The following SH3PXD2B variants were observed in gnomAD, a reference collection of about 807,000 sequenced individuals.
SH3PXD2B encodes SH3 and PX domain-containing protein 2B.
In SH3PXD2B, 37 loss-of-function variants were observed where a neutral mutation model predicts 73.1. That is an observed-to-expected ratio of 0.51 (90% CI 0.39 to 0.67). The LOEUF is 0.67. Ranked by LOEUF, SH3PXD2B falls within the 30% of genes least tolerant of loss-of-function variation. SH3PXD2B has a pLI of 0.00. For synonymous variants in SH3PXD2B, 457 were observed against 480.5 expected, an observed-to-expected ratio of 0.95 and a Z score of 0.64; for missense variants, 1,053 against 1,197.8, an observed-to-expected ratio of 0.88 and a Z score of 1.78.
intron 6 of SH3PXD2B, among the ~76,000 whole-genome samples, chr5:172,364,320 G>T (rs148829128): frequency 8.5e-4 from 129 of 152,128 alleles, no homozygotes; most frequent in African/African-American, 2.9e-3. Flanking sequence ...CTTTCCTATT[G>T]TTCCTATAAA....
intron 7 of SH3PXD2B, among the ~76,000 whole-genome samples, 154 bp from the exon 8 acceptor site, chr5:172,359,031 T>C (rs1313941516): frequency 1.3e-5 from 2 of 152,192 alleles, no homozygotes; most frequent in Admixed American, 6.5e-5. Flanking sequence ...CAATGTTACC[T>C]GCTAACTGCT....
chr5:172,374,384 T>C (rs1757776973), intron 5 of SH3PXD2B, among the ~76,000 whole-genome samples: 1 of 152,072 alleles, frequency 6.6e-6, no homozygotes, highest in African/African-American at 2.4e-5. Flanking sequence ...TCAGAGTTTA[T>C]AAATGCAACT....
chr5:172,436,732 G>A (rs1393791213), intron 1 of SH3PXD2B, among the ~76,000 whole-genome samples: 1 of 152,224 alleles, frequency 6.6e-6, no homozygotes, highest in Non-Finnish European at 1.5e-5. Context: ...TAGGGCTTCC[G>A]CTCACAGGCT....
At chr5:172,438,657 C>T (rs1306908453) in intron 1 of SH3PXD2B, among the ~76,000 whole-genome samples, 1 of 152,148 alleles carries the variant, frequency 6.6e-6, no homozygotes, top group Non-Finnish European at 1.5e-5. Context: ...GTCCACGTTC[C>T]ACCCCAGAGT....
rs1756683736 is a variant in SH3PXD2B, at chr5:172,336,099, G to GA, written c.*2269dup. 1.0e-6 allele frequency: 1 copy of GA among 988,388 alleles called. No homozygotes were observed. Among genetic ancestry groups the GA allele is most frequent in the Admixed American group, 6.1e-5 (1 of 16,324 alleles). The allele number at this position is 988,388 out of a possible 1,614,324, so 61.2% of individuals were successfully genotyped here. ...AGGACTCAAAGCTCTTCCAGCCAGG[G>GA]ATGGAGCCACACACATCCCAGTCTA... is the stretch of plus-strand genomic sequence containing the variant. On this transcript the variant is annotated 3_prime_UTR_variant, in exon 13 of 13. Transcript: ENST00000311601.
chr5:172,388,968 C>T (rs186644650), intron 4 of SH3PXD2B, among the ~76,000 whole-genome samples: 29 of 152,308 alleles, frequency 1.9e-4, no homozygotes, highest in Admixed American at 5.9e-4. Flanking sequence ...CCTTTGTCAT[C>T]AGGTACTTAG....
chr5:172,441,631 C>G (rs1015121797), intron 1 of SH3PXD2B, among the ~76,000 whole-genome samples: 3 of 152,102 alleles, frequency 2.0e-5, no homozygotes, highest in Non-Finnish European at 1.5e-5. Context: ...AGCTGGGTAC[C>G]CTGGTGAGGT....
At chr5:172,454,229 C>T in intron 1 of SH3PXD2B, 49 bp downstream of exon 1, 1 of 1,546,560 alleles carries the variant, frequency 6.5e-7, no homozygotes, top group Non-Finnish European at 8.8e-7. Context: ...CTCGGTCGCC[C>T]CCGACGGGGC....
chr5:172,439,692 GCACACACACACACACACA>G (rs367799974), intron 1 of SH3PXD2B, among the ~76,000 whole-genome samples: 8 of 138,542 alleles, frequency 5.8e-5, no homozygotes, highest in Admixed American at 7.0e-5. Flanking sequence ...GCACGCGCGC[GCACACACACACACACACA>G]CACACACACA....
At position 172,338,841 on chromosome 5, in the gene SH3PXD2B, G is replaced by A. The variant is rs749390533; in HGVS notation, c.2264C>T (p.Pro755Leu). 5.0e-6 allele frequency: 8 copies of A among 1,613,918 alleles called. No individual in the cohort carries two copies. In the Admixed American group the frequency reaches 1.0e-4, roughly 20 times the overall value. The change falls in exon 13 of 13, where the codon CCT becomes CTT. Residue 755 changes from proline to leucine, a missense_variant. Physicochemically the swap from Pro to Leu is moderately conservative, Grantham distance 98. Around this residue, in one of 2 missense-constraint regions of SH3PXD2B, gnomAD observed 587 missense variants for 590.7 expected, o/e 0.99. Transcript: ENST00000311601. This position sits in a 1 kb window ranked among gnomAD's most constrained non-coding sequence, Gnocchi z 5.1. ...AGGTGGTCTGCGGGGTGGGACCACA[G>A]GTCTCTGCTGGGGAGCCTCTTGGAG... ...VPLQEAPQQRPVVPPRRPPPP... is the reference protein window; with the variant it reads ...VPLQEAPQQRLVVPPRRPPPP...
At chr5:172,343,993 C>A (rs1378702784) in intron 12 of SH3PXD2B, among the ~76,000 whole-genome samples, 1 of 151,558 alleles carries the variant, frequency 6.6e-6, no homozygotes, top group African/African-American at 2.4e-5. Flanking sequence ...AACAAACTAA[C>A]CAACCAACCC....
chr5:172,343,428 CAT>C lies in SH3PXD2B; in HGVS notation c.1188+2706_1188+2707del, dbSNP rs375234462. 2.2e-4 allele frequency among the ~76,000 whole-genome samples: 34 copies of C among 152,342 alleles called. No individual in the cohort carries two copies. In the East Asian group the frequency reaches 6.6e-3, roughly 29 times the overall value. ...AAAGTATTGTGGTAGAAGCTCTGAA[CAT>C]GTGTGTTCTGAACCATGAGGAATGG... is the stretch of plus-strand genomic sequence containing the variant. On this transcript the variant is annotated intron_variant, in intron 12 of 12. Coordinates refer to ENST00000311601, the MANE Select transcript of SH3PXD2B (RefSeq NM_001017995.3).
intron 4 of SH3PXD2B, among the ~76,000 whole-genome samples, chr5:172,382,596 C>A (rs111815610): frequency 6.6e-6 from 1 of 151,646 alleles, no homozygotes; most frequent in Admixed American, 6.6e-5. Flanking sequence ...ATGATATACA[C>A]GCATATATTA....
downstream of SH3PXD2B, among the ~76,000 whole-genome samples, chr5:172,330,906 A>T (rs535621556): frequency 6.6e-6 from 1 of 152,312 alleles, no homozygotes; most frequent in South Asian, 2.1e-4. Flanking sequence ...AGTAAAAGTT[A>T]GATCCTGGCT....
chr5:172,347,243 C>G (rs765860730), intron 11 of SH3PXD2B, 40 bp downstream of exon 11: 1 of 1,611,398 alleles, frequency 6.2e-7, no homozygotes, highest in South Asian at 1.1e-5. Flanking sequence ...TCACAGCCCT[C>G]AAGTCAGTGG....
At chr5:172,439,692 G>GCGCGCACACACACACACACACACACA (rs1554087696) in intron 1 of SH3PXD2B, among the ~76,000 whole-genome samples, 4 of 138,542 alleles carry the variant, frequency 2.9e-5, no homozygotes, top group African/African-American at 1.1e-4. Context: ...GCACGCGCGC[G>GCGCGCACACACACACACACACACACA]CACACACACA....
chr5:172,413,761 C>A (rs1314328608), intron 2 of SH3PXD2B, among the ~76,000 whole-genome samples: 7 of 152,226 alleles, frequency 4.6e-5, no homozygotes, highest in Admixed American at 1.3e-4. Context: ...CAGTGACACA[C>A]CTTCCATATG....
rs370485872 is a variant in SH3PXD2B at position 172,410,387 on chromosome 5, T to C, written c.157-4035A>G. On this transcript the variant is annotated intron_variant, in intron 2 of 12. Coordinates refer to ENST00000311601, the MANE Select transcript of SH3PXD2B (RefSeq NM_001017995.3). ...TGAGGTGGAAATGCTTGGTCCACTG[T>C]CATTCAGAGACAGGTGAGGCCACAG... Among the ~76,000 whole-genome samples, 11 of 152,306 alleles carry C rather than the reference T, an allele frequency of 7.2e-5. No homozygotes were observed. The East Asian group carries it at 2.1e-3, about 29-fold the overall frequency.
intron 1 of SH3PXD2B, among the ~76,000 whole-genome samples, chr5:172,429,837 T>C (rs968695323): frequency 6.6e-6 from 1 of 152,164 alleles, no homozygotes; most frequent in African/African-American, 2.4e-5. Context: ...CCTCTAATCC[T>C]GCCATGCCAT....
Sources: allele counts gnomAD v4.1 joint callset (sites outside exome capture counted in the v4.1 genomes callset), GRCh38; gene constraint gnomAD v4.1.1; regional missense constraint gnomAD v4.1.1; non-coding constraint Gnocchi (gnomAD v3.1); transcripts MANE v1.5; gene names NCBI Gene and HGNC (gene_info 2026-07-23, HGNC 2026-07-21).